The following CACNA1C variants were observed in gnomAD, a reference collection of about 807,000 sequenced individuals.
CACNA1C encodes voltage-dependent L-type calcium channel subunit alpha-1C.
In CACNA1C, 30 loss-of-function variants were observed where a neutral mutation model predicts 229.0. The ratio of observed to expected loss-of-function variants is 0.13; its 90% CI spans 0.10 to 0.18. CACNA1C has a LOEUF of 0.18. CACNA1C is among the 10% of genes least tolerant of loss of function. The pLI is 1.00. For synonymous variants in CACNA1C, 1,114 were observed against 1,132.5 expected, an observed-to-expected ratio of 0.98 and a Z score of 0.33; for missense variants, 1,658 against 2,845.0, an observed-to-expected ratio of 0.58 and a Z score of 9.49.
intron 3 of CACNA1C, among the ~76,000 whole-genome samples, chr12:2,306,378 C>T (rs985481352): frequency 2.6e-5 from 4 of 152,216 alleles, no homozygotes; most frequent in South Asian, 4.1e-4. Flanking sequence ...CTCTTGGGTC[C>T]TCTGTCTTCT....
chr12:2,175,504 A>G (rs778654970), intron 3 of CACNA1C, among the ~76,000 whole-genome samples: 5 of 152,064 alleles, frequency 3.3e-5, no homozygotes, highest in Non-Finnish European at 7.4e-5. Flanking sequence ...AGGGAGGGTC[A>G]AGGATGTGCC....
chr12:2,408,863 C>G (rs1250143783), intron 3 of CACNA1C, among the ~76,000 whole-genome samples: 1 of 152,172 alleles, frequency 6.6e-6, no homozygotes, highest in Non-Finnish European at 1.5e-5. Context: ...ACTTCTGAAA[C>G]CTTGCATTGA....
Position 2,187,687 on chromosome 12 carries a change from C to T in CACNA1C, c.477+67257C>T, listed in dbSNP as rs527408981. Among the ~76,000 whole-genome samples, 5 of 152,344 alleles carry T rather than the reference C, an allele frequency of 3.3e-5. No homozygotes were observed. The South Asian group carries it at 1.0e-3, about 32-fold the overall frequency. On this transcript the variant is annotated intron_variant, in intron 3 of 46. Coordinates refer to ENST00000399655, the MANE Select transcript of CACNA1C (RefSeq NM_000719.7). ...GGCACTGCGGTGAGAACCGGAGTAG[C>T]CAAGGAAGCAGGGTGGTCCCCACAG...
chr12:2,353,892 G>A (rs139291184), intron 3 of CACNA1C, among the ~76,000 whole-genome samples: 4 of 152,308 alleles, frequency 2.6e-5, no homozygotes, highest in Non-Finnish European at 4.4e-5. Flanking sequence ...GGTCCCGAAT[G>A]CTGGGCTGTG....
rs1239536204 is a variant in CACNA1C, at chr12:2,588,168, T to C, written c.2530+2264T>C. 2.0e-5 allele frequency among the ~76,000 whole-genome samples: 3 copies of C among 152,228 alleles called. No homozygotes were observed. The East Asian group carries it at 5.8e-4, about 29-fold the overall frequency. On this transcript the variant is annotated intron_variant, in intron 18 of 46. Coordinates refer to ENST00000399655, the MANE Select transcript of CACNA1C (RefSeq NM_000719.7). ...AAGATCACGTGGCCTGTTGTCTCTGTTCTGGTCAATCTCTGGTTCCTTCCT... is the reference window on the plus strand; with the variant it reads ...AAGATCACGTGGCCTGTTGTCTCTGCTCTGGTCAATCTCTGGTTCCTTCCT...
At chr12:2,320,652 A>G (rs907905998) in intron 3 of CACNA1C, among the ~76,000 whole-genome samples, 2 of 151,966 alleles carry the variant, frequency 1.3e-5, no homozygotes, top group Non-Finnish European at 2.9e-5. Context: ...CTGGGGGTGG[A>G]TGGTTCTTTC....
intron 7 of CACNA1C, among the ~76,000 whole-genome samples, chr12:2,500,156 C>T (rs1255970143): frequency 6.6e-6 from 1 of 152,192 alleles, no homozygotes; most frequent in African/African-American, 2.4e-5. Flanking sequence ...GCCTGCTGTT[C>T]CCCATCTCGA....
intron 3 of CACNA1C, among the ~76,000 whole-genome samples, chr12:2,132,209 G>A (rs1452604596): frequency 1.4e-5 from 2 of 144,886 alleles, no homozygotes; most frequent in Non-Finnish European, 3.0e-5. Flanking sequence ...TTTGGGCTGA[G>A]ACAATGGGGT....
At chr12:2,200,363 T>C (rs903400210) in intron 3 of CACNA1C, among the ~76,000 whole-genome samples, 4 of 152,198 alleles carry the variant, frequency 2.6e-5, no homozygotes, top group African/African-American at 9.7e-5. Context: ...AGGGATGATT[T>C]TGCCTTCCAG....
intron 5 of CACNA1C, among the ~76,000 whole-genome samples, chr12:2,475,355 T>C (rs554797025): frequency 6.6e-6 from 1 of 151,958 alleles, no homozygotes; most frequent in African/African-American, 2.4e-5. Flanking sequence ...CAAATAACTA[T>C]ATACACAAGG....
intron 3 of CACNA1C, among the ~76,000 whole-genome samples, chr12:2,388,607 C>T (rs114484834): frequency 3.9e-5 from 6 of 152,250 alleles, no homozygotes; most frequent in East Asian, 1.9e-4. Context: ...GTGCCTATGA[C>T]GTATCCAAGT....
intron 9 of CACNA1C, among the ~76,000 whole-genome samples, chr12:2,529,022 A>T (rs1326991306): frequency 6.6e-6 from 1 of 152,212 alleles, no homozygotes; most frequent in African/African-American, 2.4e-5. Flanking sequence ...AACCATTATC[A>T]TGGTGACTTA....
At chr12:2,680,539 G>C in intron 42 of CACNA1C, 1 of 1,571,960 alleles carries the variant, frequency 6.4e-7, no homozygotes, top group Non-Finnish European at 8.6e-7. Context: ...GTAGGAGAGT[G>C]GCTCCCAGCA....
Position 2,493,118 on chromosome 12 carries a change from CT to C in CACNA1C, c.917-71del. On this transcript the variant is annotated intron_variant, in intron 6 of 46. Coordinates refer to ENST00000399655, the MANE Select transcript of CACNA1C (RefSeq NM_000719.7). This position sits in a 1 kb window ranked among gnomAD's most constrained non-coding sequence, Gnocchi z 4.6. ...CAACCTCATCCTGTCACTTTTCTCTCTGACTTCTTTCTCTGCCCACATCTCT... is the reference window on the plus strand; with the variant it reads ...CAACCTCATCCTGTCACTTTTCTCTCGACTTCTTTCTCTGCCCACATCTCT... 7.4e-7 allele frequency: 1 copy of C among 1,353,074 alleles called. No individual in the cohort carries two copies. The highest frequency in any genetic ancestry group is 1.0e-6 in the Non-Finnish European group (1 of 952,714). 83.8% of individuals were successfully genotyped at this position (1,353,074 alleles called of 1,614,324 possible). A position where few individuals can be genotyped will look rare whatever the true frequency, so the allele number is the denominator to read the frequency against.
chr12:2,518,939 G>A (rs1190181640), intron 9 of CACNA1C, among the ~76,000 whole-genome samples: 1 of 152,202 alleles, frequency 6.6e-6, no homozygotes, highest in Non-Finnish European at 1.5e-5. Context: ...GAGATCAGGT[G>A]AGGAAACTGG....
intron 3 of CACNA1C, among the ~76,000 whole-genome samples, chr12:2,355,292 G>C (rs1593873517): frequency 1.3e-5 from 2 of 152,300 alleles, no homozygotes; most frequent in East Asian, 3.9e-4. Context: ...GGCCACATCA[G>C]TTGTTAAATA....
At chr12:2,648,824 C>T (rs1399800236) in intron 31 of CACNA1C, among the ~76,000 whole-genome samples, 4 of 152,162 alleles carry the variant, frequency 2.6e-5, no homozygotes, top group African/African-American at 4.8e-5. Context: ...AGGACTCCAC[C>T]GGCCAAAGCC....
Position 2,581,807 on chromosome 12 carries a change from CTT to C in CACNA1C, c.2103+11_2103+12del. 6.5e-7 allele frequency: 1 copy of C among 1,537,340 alleles called. No individual in the cohort carries two copies. The highest frequency in any genetic ancestry group is 1.1e-5 in the South Asian group (1 of 89,030). ...CCTCACTGTGTTTCAGGTATGGACT[CTT>C]CTCTGCTGGGATTCGGACTCGGGGT... On this transcript the variant is annotated intron_variant, in intron 14 of 46. Transcript: ENST00000399655.
intron 8 of CACNA1C, among the ~76,000 whole-genome samples, 199 bp downstream of exon 8, chr12:2,505,144 G>A (rs549694019): frequency 6.6e-6 from 1 of 152,190 alleles, no homozygotes; most frequent in East Asian, 1.9e-4. Flanking sequence ...GACAATGGAG[G>A]AGAGCTGGCT....
Sources: allele counts gnomAD v4.1 joint callset (sites outside exome capture counted in the v4.1 genomes callset), GRCh38; gene constraint gnomAD v4.1.1; non-coding constraint Gnocchi (gnomAD v3.1); transcripts MANE v1.5; gene names NCBI Gene and HGNC (gene_info 2026-07-23, HGNC 2026-07-21).